NBEA: variants seen among roughly 807,000 people sequenced by gnomAD.
NBEA encodes lysosomal-trafficking regulator 2.
Under a neutral mutation model 343.4 loss-of-function variants are expected in NBEA, and 44 were observed. That is an observed-to-expected ratio of 0.13 (90% confidence interval 0.10 to 0.16). The LOEUF (loss-of-function observed/expected upper bound fraction) is 0.16. Among genes scored for constraint, NBEA ranks in the 10% least tolerant of loss-of-function variants. NBEA has a pLI of 1.00. For missense variants in NBEA, 2,555 were observed against 3,631.3 expected (o/e 0.70, Z 7.62); for synonymous variants, 1,175 against 1,238.7 (o/e 0.95, Z 1.08).
intron 28 of NBEA, 145 bp downstream of exon 28, chr13:35,177,248 G>A: frequency 1.7e-6 from 1 of 599,574 alleles, no homozygotes; most frequent in Admixed American, 3.1e-5. Flanking sequence ...ATTATAAAAT[G>A]GTTGAACCTT....
intron 34 of NBEA, among the ~76,000 whole-genome samples, chr13:35,260,019 A>T (rs2033062304): frequency 1.3e-5 from 2 of 152,226 alleles, no homozygotes; most frequent in African/African-American, 4.8e-5. Context: ...TAGAAATTAT[A>T]ATCCAATATG....
At chr13:35,591,124 C>T (rs895126013) in intron 46 of NBEA, among the ~76,000 whole-genome samples, 5 of 151,980 alleles carry the variant, frequency 3.3e-5, no homozygotes, top group East Asian at 1.9e-4. Flanking sequence ...TATTTAATCC[C>T]ATAATTCCCC....
rs77090515 is a variant in NBEA, at chr13:35,419,092, G to A, written c.6180-13177G>A. On this transcript the variant is annotated intron_variant, in intron 38 of 58. Transcript: ENST00000379939. ...TGGTTTGTGTTAAGTACTTATATGT[G>A]GAATTTTCCACTTATGGCATCATGT... 0.017 allele frequency among the ~76,000 whole-genome samples: 2,553 copies of A among 151,988 alleles called. 137 individuals carry two copies. In the East Asian group the frequency reaches 0.18, roughly 10 times the overall value.
intron 47 of NBEA, among the ~76,000 whole-genome samples, chr13:35,602,147 G>A (rs2082082490): frequency 6.6e-6 from 1 of 152,134 alleles, no homozygotes; most frequent in Admixed American, 6.6e-5. Context: ...TGTAGTAATT[G>A]CCATCTTCTT....
At chr13:35,121,584 A>G (rs2066802849) in intron 16 of NBEA, among the ~76,000 whole-genome samples, 1 of 150,980 alleles carries the variant, frequency 6.6e-6, no homozygotes, top group Admixed American at 6.6e-5. Flanking sequence ...TTCAGTGTAA[A>G]CCCATACATA....
chr13:35,410,265 A>T (rs1329872482), intron 38 of NBEA, among the ~76,000 whole-genome samples: 1 of 151,702 alleles, frequency 6.6e-6, no homozygotes, highest in Non-Finnish European at 1.5e-5. Context: ...AAAACATTGA[A>T]CTAAAAACTA....
intron 1 of NBEA, among the ~76,000 whole-genome samples, chr13:35,035,867 CT>C (rs57357742): frequency 0.027 from 4,172 of 151,854 alleles, 85 homozygotes; most frequent in South Asian, 0.074. Context: ...CATGGGATAT[CT>C]TTTTCCATCT....
intron 1 of NBEA, among the ~76,000 whole-genome samples, chr13:35,030,387 T>A (rs528032259): frequency 2.0e-4 from 30 of 151,480 alleles, no homozygotes; most frequent in African/African-American, 7.2e-4. Flanking sequence ...CTCTCTTTCT[T>A]TCTTTCTTAA....
At chr13:35,246,838 A>G (rs1334440116) in intron 34 of NBEA, among the ~76,000 whole-genome samples, 1 of 152,090 alleles carries the variant, frequency 6.6e-6, no homozygotes, top group African/African-American at 2.4e-5. Flanking sequence ...GAGGATGGGC[A>G]GGGCCCTAGA....
intron 48 of NBEA, among the ~76,000 whole-genome samples, chr13:35,620,013 T>A (rs2082910744): frequency 6.6e-6 from 1 of 152,100 alleles, no homozygotes; most frequent in Admixed American, 6.5e-5. Flanking sequence ...AACACAAGGA[T>A]GAGCAACTCA....
chr13:35,166,331 T>A (rs761520016), intron 24 of NBEA, among the ~76,000 whole-genome samples: 2 of 152,180 alleles, frequency 1.3e-5, no homozygotes, highest in Non-Finnish European at 2.9e-5. Context: ...AACTATAACA[T>A]ACATACTATT....
At chr13:35,667,031 G>C (rs1321655968) in intron 56 of NBEA, among the ~76,000 whole-genome samples, 3 of 152,142 alleles carry the variant, frequency 2.0e-5, no homozygotes, top group Non-Finnish European at 2.9e-5. Context: ...TTCAAGAAAA[G>C]TTTCTAAAAG....
Position 35,088,284 on chromosome 13 carries a change from A to T in NBEA, c.1572-10013A>T, listed in dbSNP as rs13378902. Among the ~76,000 whole-genome samples, 1,482 of 152,034 alleles carry T rather than the reference A, an allele frequency of 9.7e-3. 20 individuals carry two copies. Among genetic ancestry groups the T allele is most frequent in the African/African-American group, 0.034 (1,429 of 41,514 alleles). On this transcript the variant is annotated intron_variant, in intron 10 of 58. Transcript: ENST00000379939. Reference sequence around the variant, plus strand: ...TTCCATACTTCAAAAGAAAGGTAACAGGTTTAATATAATTAGGAAAACTCA... The same window carrying T: ...TTCCATACTTCAAAAGAAAGGTAACTGGTTTAATATAATTAGGAAAACTCA...
intron 36 of NBEA, among the ~76,000 whole-genome samples, chr13:35,322,206 G>A (rs1302370825): frequency 2.0e-5 from 3 of 152,168 alleles, no homozygotes; most frequent in Non-Finnish European, 4.4e-5. Context: ...TTTTGTGCTT[G>A]AAACCCAGGG....
intron 34 of NBEA, among the ~76,000 whole-genome samples, chr13:35,248,112 T>G (rs1265118923): frequency 6.6e-6 from 1 of 152,140 alleles, no homozygotes; most frequent in African/African-American, 2.4e-5. Context: ...ACTCATAATA[T>G]AAGGTCAGCA....
intron 34 of NBEA, among the ~76,000 whole-genome samples, chr13:35,258,224 G>A (rs1409792790): frequency 1.3e-5 from 2 of 150,210 alleles, no homozygotes; most frequent in Non-Finnish European, 3.0e-5. Flanking sequence ...CTGGAGTGCA[G>A]TGGCGCGATC....
At chr13:35,553,572 C>A (rs532163795) in intron 43 of NBEA, among the ~76,000 whole-genome samples, 66 of 152,124 alleles carry the variant, frequency 4.3e-4, no homozygotes, top group South Asian at 2.1e-3. Context: ...GGGAAAATAT[C>A]TTTACAAGAG....
rs549801406 is a variant in NBEA at position 35,440,200 on chromosome 13, G to A, written c.6304+7807G>A. On this transcript the variant is annotated intron_variant, in intron 39 of 58. Transcript: ENST00000379939. ...CAGCCCGATAACTGATTAATTTTAA[G>A]GTATACAAACAGATTTTAACCACAC... Among the ~76,000 whole-genome samples the A allele has an allele frequency of 3.3e-5, 5 of 152,110 alleles. No individual in the cohort carries two copies. In the South Asian group the frequency reaches 1.0e-3, roughly 32 times the overall value.
chr13:35,334,078 A>G (rs948409772), intron 36 of NBEA, among the ~76,000 whole-genome samples: 7 of 152,012 alleles, frequency 4.6e-5, no homozygotes, highest in Non-Finnish European at 1.0e-4. Flanking sequence ...CGATTACTAG[A>G]TCAAATGGTA....
Sources: gnomAD v4.1 joint callset for allele counts (sites outside exome capture counted in the v4.1 genomes callset) on GRCh38, gnomAD v4.1.1 for gene constraint, MANE v1.5 for transcripts, NCBI Gene and HGNC (gene_info 2026-07-23, HGNC 2026-07-21) for gene names.